CACNA1H: variants seen among roughly 807,000 people sequenced by gnomAD.
The protein encoded by CACNA1H is calcium voltage-gated channel subunit alpha1 H, also known as voltage-dependent T-type calcium channel subunit alpha-1H.
In CACNA1H, 149 loss-of-function variants were observed where a neutral mutation model predicts 192.5. The observed-to-expected ratio is 0.77, with a 90% CI of 0.68 to 0.89. The LOEUF (loss-of-function observed/expected upper bound fraction) is 0.89, where lower values mean the gene tolerates loss of function less well. Ranked by LOEUF, CACNA1H falls within the 40% of genes least tolerant of loss-of-function variation. CACNA1H has a pLI of 0.00. For missense variants in CACNA1H, 4,257 were observed against 3,423.5 expected, an observed-to-expected ratio of 1.24 and a Z score of -6.08; for synonymous variants, 2,202 against 1,475.2, an observed-to-expected ratio of 1.49 and a Z score of -11.29.
intron 2 of CACNA1H, among the ~76,000 whole-genome samples, chr16:1,186,544 C>T (rs1966081591): frequency 6.6e-6 from 1 of 152,094 alleles, no homozygotes; most frequent in Admixed American, 6.5e-5. Flanking sequence ...CGGCGATTCC[C>T]TGGGAACGTC....
At position 1,206,183 on chromosome 16, in the gene CACNA1H, G is replaced by C; in HGVS notation, c.2683G>C (p.Val895Leu). Reference sequence around the variant, plus strand: ...CCGGCTGCTGCGTGTGCTGAAGCTGGTGCGCTTTCTGCCAGCCCTGCGGCG... The same window carrying C: ...CCGGCTGCTGCGTGTGCTGAAGCTGCTGCGCTTTCTGCCAGCCCTGCGGCG... ...TFRLLRVLKLVRFLPALRRQL... is the reference protein window; with the variant it reads ...TFRLLRVLKLLRFLPALRRQL... Residue 895 changes from valine (V) to leucine (L), a missense_variant, in exon 12 of 35, where the codon GTG becomes CTG. Transcript: ENST00000348261. 6.3e-7 allele frequency: 1 copy of C among 1,589,738 alleles called. No homozygotes were observed. The highest frequency in any genetic ancestry group is 8.6e-7 in the Non-Finnish European group (1 of 1,169,276).
intron 2 of CACNA1H, among the ~76,000 whole-genome samples, chr16:1,158,260 G>T (rs754315498): frequency 2.6e-5 from 4 of 152,194 alleles, no homozygotes; most frequent in Admixed American, 1.3e-4. Context: ...GACTGGGAGC[G>T]TTGCAGGGCT....
chr16:1,207,638 C>G, intron 14 of CACNA1H, 132 bp from the exon 15 acceptor site: 3 of 941,120 alleles, frequency 3.2e-6, no homozygotes, highest in Non-Finnish European at 4.9e-6. Flanking sequence ...CCTGCCCACC[C>G]TGGCAGTGAC....
Position 1,200,376 on chromosome 16 carries a change from C to T in CACNA1H, c.924C>T (p.Arg308=), listed in dbSNP as rs965334916. The T allele has an allele frequency of 2.7e-5, 43 of 1,601,410 alleles. No individual in the cohort carries two copies. In the East Asian group the frequency reaches 8.6e-4, roughly 32 times the overall value. ...AGAAGTGCTCGCACATCCCCGGCCGCCGCGAGCTGCGCATGCCCTGCACCC... is the reference window on the plus strand; with the variant it reads ...AGAAGTGCTCGCACATCCCCGGCCGTCGCGAGCTGCGCATGCCCTGCACCC... ...GMQKCSHIPG[R]RELRMPCTLG... is the part of the protein sequence containing the mutation. The change falls in exon 7 of 35, where the codon CGC becomes CGT. Residue 308 remains arginine, a synonymous_variant. Transcript: ENST00000348261.
At chr16:1,187,226 G>A (rs564284142) in intron 2 of CACNA1H, among the ~76,000 whole-genome samples, 1 of 152,242 alleles carries the variant, frequency 6.6e-6, no homozygotes, top group African/African-American at 2.4e-5. Context: ...GGCCAGCGCC[G>A]CGTGGGGCCG....
Position 1,207,787 on chromosome 16 carries a change from C to G in CACNA1H, c.3081C>G (p.Ser1027=), listed in dbSNP as rs369351441. The change falls in exon 15 of 35, where the codon TCC becomes TCG. Residue 1027 remains serine (S), a synonymous_variant. Coordinates refer to ENST00000348261, the MANE Select transcript of CACNA1H (RefSeq NM_021098.3). ...GFQAEGDANR[S]DTDEDKTSVH... The stretch of plus-strand genomic sequence containing the variant: ...GGGTTTAGGGCGATGCCAACAGATC[C>G]GACACGGACGAGGACAAGACGTCGG... 6.9e-6 allele frequency: 11 copies of G among 1,599,790 alleles called. No homozygotes were observed. Among genetic ancestry groups the G allele is most frequent in the Middle Eastern group, 1.6e-4 (1 of 6,078 alleles).
chr16:1,155,461 T>C (rs1046203666), intron 2 of CACNA1H, among the ~76,000 whole-genome samples: 5 of 152,316 alleles, frequency 3.3e-5, no homozygotes, highest in South Asian at 4.1e-4. Flanking sequence ...GGTGTGGGGT[T>C]AGTCCGGCGG....
chr16:1,158,828 C>T (rs996375751), intron 2 of CACNA1H, among the ~76,000 whole-genome samples: 3 of 151,878 alleles, frequency 2.0e-5, no homozygotes, highest in Middle Eastern at 3.2e-3. Flanking sequence ...CCACTCAGCC[C>T]GCACCCCCGG....
intron 9 of CACNA1H, among the ~76,000 whole-genome samples, chr16:1,202,701 T>G (rs1214903031): frequency 2.6e-5 from 4 of 151,470 alleles, no homozygotes; most frequent in African/African-American, 9.7e-5. Context: ...GGAGGTGGGA[T>G]TTTGAATCTG....
chr16:1,188,006 T>G (rs1250622208), intron 2 of CACNA1H, among the ~76,000 whole-genome samples: 1 of 152,192 alleles, frequency 6.6e-6, no homozygotes, highest in African/African-American at 2.4e-5. Flanking sequence ...AGGGGCTTGT[T>G]TTGCAGGAAG....
chr16:1,171,247 G>A (rs1410528425), intron 2 of CACNA1H, among the ~76,000 whole-genome samples: 5 of 152,064 alleles, frequency 3.3e-5, no homozygotes, highest in Non-Finnish European at 7.4e-5. Context: ...GAGGTCTCTC[G>A]GGCAGCCTGC....
chr16:1,158,381 G>A (rs1962714253), intron 2 of CACNA1H, among the ~76,000 whole-genome samples: 1 of 151,858 alleles, frequency 6.6e-6, no homozygotes, highest in South Asian at 2.1e-4. Context: ...AGGGTAGGGG[G>A]TCCGCCGAGC....
chr16:1,178,873 G>C (rs1324806556), intron 2 of CACNA1H, among the ~76,000 whole-genome samples: 1 of 152,242 alleles, frequency 6.6e-6, no homozygotes, highest in East Asian at 1.9e-4. Flanking sequence ...AGGACCGAAC[G>C]GTGGCATCTC....
At chr16:1,156,999 A>G (rs1194246306) in intron 2 of CACNA1H, 1 of 152,212 alleles carries the variant, frequency 6.6e-6, no homozygotes. Flanking sequence ...CTTCTCCTCC[A>G]CAGGTTTATT....
rs78179994 is a variant in CACNA1H at position 1,176,909 on chromosome 16, G to T, written c.300-18063G>T. Among the ~76,000 whole-genome samples, 1,215 of 152,214 alleles carry T rather than the reference G, an allele frequency of 8.0e-3. 15 individuals carry two copies. Among genetic ancestry groups the T allele is most frequent in the East Asian group, 0.034 (176 of 5,162 alleles). On this transcript the variant is annotated intron_variant, in intron 2 of 34. Coordinates refer to ENST00000348261, the MANE Select transcript of CACNA1H (RefSeq NM_021098.3). ...TTTCTGAGGGCTGAGTGTCTGCTACGGCTGCTGTGAGGATGTTCCGTGGAC... is the reference window on the plus strand; with the variant it reads ...TTTCTGAGGGCTGAGTGTCTGCTACTGCTGCTGTGAGGATGTTCCGTGGAC...
chr16:1,213,115 C>T (rs879467439), intron 26 of CACNA1H, among the ~76,000 whole-genome samples: 9 of 152,334 alleles, frequency 5.9e-5, no homozygotes, highest in Admixed American at 3.3e-4. Context: ...ACGCAGATGG[C>T]GGGCGCCGAC....
chr16:1,196,292 C>T lies in CACNA1H; in HGVS notation c.643+269C>T, dbSNP rs570375281. 5.1e-4 allele frequency among the ~76,000 whole-genome samples: 77 copies of T among 152,374 alleles called. 2 individuals carry two copies. The South Asian group carries it at 0.015, about 30-fold the overall frequency. On this transcript the variant is annotated intron_variant, in intron 5 of 34. Transcript: ENST00000348261. Reference sequence around the variant, plus strand: ...CACAGCCGAGTGACAGGGGCCACTCCGAACCTCCGGTTCCTTCTCTGCATG... The same window carrying T: ...CACAGCCGAGTGACAGGGGCCACTCTGAACCTCCGGTTCCTTCTCTGCATG...
At chr16:1,195,305 CAGGGCGGGGCA>C in intron 3 of CACNA1H, 116 bp from the exon 4 acceptor site, 2 of 1,011,004 alleles carry the variant, frequency 2.0e-6, no homozygotes, top group East Asian at 9.3e-5. Flanking sequence ...TCCTGGGGCT[CAGGGCGGGGCA>C]GGGGCGGGGC....
At position 1,213,876 on chromosome 16, in the gene CACNA1H, T is replaced by C. The variant is rs1265244135; in HGVS notation, c.4874T>C (p.Phe1625Ser). Residue 1625 changes from phenylalanine (F) to serine (S), a missense_variant, in exon 27 of 35, where the codon TTC becomes TCC. By Grantham distance (155) the Phe-to-Ser change is radical. Transcript: ENST00000348261. ...CACTATCTCGACCTCTTCATCACCT[T>C]CATCATCTGTGTCAACGTCATCACC... ...TSHYLDLFIT[F>S]IICVNVITMS... 3.7e-6 allele frequency: 6 copies of C among 1,611,522 alleles called. No homozygotes were observed. Among genetic ancestry groups the C allele is most frequent in the South Asian group, 1.1e-5 (1 of 90,560 alleles).
Sources: allele counts gnomAD v4.1 joint callset (sites outside exome capture counted in the v4.1 genomes callset), GRCh38; gene constraint gnomAD v4.1.1; transcripts MANE v1.5; gene names NCBI Gene and HGNC (gene_info 2026-07-23, HGNC 2026-07-21).